CACNB4: variants seen among roughly 807,000 people sequenced by gnomAD.
CACNB4 encodes the protein voltage-dependent L-type calcium channel subunit beta-4.
Under a neutral mutation model 71.2 loss-of-function variants are expected in CACNB4, and 32 were observed. That is an observed-to-expected ratio of 0.45 (90% CI 0.34 to 0.60). The LOEUF is 0.60. CACNB4 is among the 20% of genes least tolerant of loss of function. The pLI, the probability that CACNB4 is intolerant of heterozygous loss-of-function variation, is 0.01. For missense variants in CACNB4, 464 were observed against 647.9 expected, an observed-to-expected ratio of 0.72 and a Z score of 3.08; for synonymous variants, 231 against 236.9, an observed-to-expected ratio of 0.97 and a Z score of 0.23.
chr2:151,893,904 C>A (rs1250522672), intron 2 of CACNB4, among the ~76,000 whole-genome samples: 1 of 152,136 alleles, frequency 6.6e-6, no homozygotes, highest in African/African-American at 2.4e-5. Flanking sequence ...TATCTCTTCA[C>A]TCATTAATAT....
intron 2 of CACNB4, chr2:151,973,537 C>A: frequency 2.6e-6 from 2 of 783,986 alleles, no homozygotes; most frequent in South Asian, 1.7e-5. Context: ...AGCCAGCAAG[C>A]CCCAGAATGA....
Position 151,880,931 on chromosome 2 carries a change from A to C in CACNB4, c.268-9T>G. 1 of 1,597,882 alleles carries C rather than the reference A, an allele frequency of 6.3e-7. No homozygotes were observed. Among genetic ancestry groups the C allele is most frequent in the Non-Finnish European group, 8.5e-7 (1 of 1,171,108 alleles). ...AATGCTACAGGTTTGGACTAGGGAC[A>C]GAACCATGGAATAAGGAATGAGGAA... On this transcript the variant is annotated splice_polypyrimidine_tract_variant and intron_variant, in intron 3 of 13. Coordinates refer to ENST00000539935, the MANE Select transcript of CACNB4 (RefSeq NM_000726.5).
chr2:152,021,053 C>A, intron 2 of CACNB4, among the ~76,000 whole-genome samples: 1 of 152,142 alleles, frequency 6.6e-6, no homozygotes, highest in South Asian at 2.1e-4. Flanking sequence ...GAGATTGAGA[C>A]CATCCTGGCC....
intron 2 of CACNB4, among the ~76,000 whole-genome samples, chr2:151,988,040 A>G (rs952703852): frequency 5.9e-5 from 9 of 152,218 alleles, no homozygotes; most frequent in African/African-American, 2.2e-4. Flanking sequence ...GCCAACTGAA[A>G]TACTTTTTTT....
intron 2 of CACNB4, chr2:151,971,570 A>C (rs1262395555): frequency 2.8e-6 from 2 of 702,882 alleles, no homozygotes; most frequent in Non-Finnish European, 5.2e-6. Flanking sequence ...GGCACTGAGA[A>C]AGACTGCTGA....
chr2:151,863,611 A>G (rs2099842316), intron 9 of CACNB4, among the ~76,000 whole-genome samples: 1 of 152,192 alleles, frequency 6.6e-6, no homozygotes, highest in Non-Finnish European at 1.5e-5. Flanking sequence ...AGTTCTATAC[A>G]AACAAGAGAC....
At chr2:151,910,997 C>T (rs1306040388) in intron 2 of CACNB4, among the ~76,000 whole-genome samples, 2 of 151,770 alleles carry the variant, frequency 1.3e-5, no homozygotes. Flanking sequence ...TGTAGTTCTC[C>T]TTGAAAAGGT....
chr2:152,089,486 C>A (rs1277635722), intron 2 of CACNB4, among the ~76,000 whole-genome samples: 1 of 152,310 alleles, frequency 6.6e-6, no homozygotes, highest in Middle Eastern at 3.4e-3. Flanking sequence ...CAGGCTCACC[C>A]CACTGAAGGA....
chr2:151,889,888 C>T (rs1019931045), intron 2 of CACNB4, among the ~76,000 whole-genome samples: 7 of 152,154 alleles, frequency 4.6e-5, no homozygotes, highest in Admixed American at 3.3e-4. Context: ...AAGAAAGACA[C>T]AGTCACTCCC....
At chr2:151,870,094 T>C (rs959064345) in intron 8 of CACNB4, 2 of 599,824 alleles carry the variant, frequency 3.3e-6, no homozygotes, top group Non-Finnish European at 5.9e-6. Flanking sequence ...TGGTGGCATA[T>C]GCCATCATCT....
intron 2 of CACNB4, among the ~76,000 whole-genome samples, chr2:152,095,130 C>A (rs1688195561): frequency 6.6e-6 from 1 of 152,172 alleles, no homozygotes; most frequent in Non-Finnish European, 1.5e-5. Flanking sequence ...TCCCTGGATT[C>A]ATTCCAAAAC....
chr2:151,925,701 G>A (rs1380828699), intron 2 of CACNB4, among the ~76,000 whole-genome samples: 1 of 151,668 alleles, frequency 6.6e-6, no homozygotes, highest in African/African-American at 2.4e-5. Flanking sequence ...GGGAGGGGGT[G>A]GGGAGGGTGG....
At chr2:151,901,618 A>C (rs1341125357) in intron 2 of CACNB4, among the ~76,000 whole-genome samples, 2 of 152,230 alleles carry the variant, frequency 1.3e-5, no homozygotes, top group East Asian at 3.8e-4. Flanking sequence ...AAGATCACGA[A>C]GGAGTTTTTA....
At chr2:152,090,457 C>A (rs539448800) in intron 2 of CACNB4, among the ~76,000 whole-genome samples, 160 of 152,200 alleles carry the variant, frequency 1.1e-3, no homozygotes, top group Admixed American at 2.6e-3. Flanking sequence ...AGTTCGAGAC[C>A]AGCCTGACCA....
chr2:151,902,775 A>C (rs1471709025), intron 2 of CACNB4, among the ~76,000 whole-genome samples: 2 of 151,718 alleles, frequency 1.3e-5, no homozygotes, highest in African/African-American at 2.4e-5. Flanking sequence ...AAACTTGTGG[A>C]ATGAGTTGAG....
chr2:151,931,933 C>T (rs930487469), intron 2 of CACNB4, among the ~76,000 whole-genome samples: 1 of 152,110 alleles, frequency 6.6e-6, no homozygotes, highest in Admixed American at 6.6e-5. Context: ...GATGTGGAAG[C>T]AAGCTAAGTA....
intron 2 of CACNB4, among the ~76,000 whole-genome samples, chr2:152,040,085 G>A (rs182075058): frequency 1.4e-3 from 206 of 152,204 alleles, no homozygotes; most frequent in Non-Finnish European, 1.8e-3. Context: ...TTTTCATTGC[G>A]GCTAAATGGG....
intron 2 of CACNB4, among the ~76,000 whole-genome samples, chr2:151,911,797 G>A (rs1246062148): frequency 7.2e-5 from 11 of 152,002 alleles, no homozygotes; most frequent in Non-Finnish European, 1.3e-4. Flanking sequence ...CTGTGAATCC[G>A]TCTGGTCCTG....
intron 2 of CACNB4, among the ~76,000 whole-genome samples, chr2:151,896,669 C>G (rs940405315): frequency 6.6e-6 from 1 of 152,164 alleles, no homozygotes; most frequent in Non-Finnish European, 1.5e-5. Context: ...CAGGAGATGA[C>G]AGCAAGGCTT....
Sources: gnomAD v4.1 joint callset for allele counts (sites outside exome capture counted in the v4.1 genomes callset) on GRCh38, gnomAD v4.1.1 for gene constraint, MANE v1.5 for transcripts, NCBI Gene and HGNC (gene_info 2026-07-23, HGNC 2026-07-21) for gene names.